The following DCDC2 variants were observed in gnomAD, a reference collection of about 807,000 sequenced individuals.
DCDC2 encodes doublecortin domain containing 2.
In DCDC2, 40 loss-of-function variants were observed where a neutral mutation model predicts 50.2. The observed-to-expected ratio is 0.80, with a 90% CI of 0.62 to 1.04. The LOEUF is 1.04. Ranked by LOEUF, DCDC2 falls within the 50% of genes least tolerant of loss-of-function variation. The pLI, the probability that DCDC2 is intolerant of heterozygous loss-of-function variation, is 0.00. For synonymous variants in DCDC2, 234 were observed against 210.6 expected (o/e 1.11, Z -0.96); for missense variants, 570 against 581.9 (o/e 0.98, Z 0.21).
In DCDC2 at chr6:24,357,835, G is replaced by T. The variant is rs201990155; in HGVS notation, c.-85C>A. ...CCAGCGGCCTCACCGCACCCAGGGC[G>T]CGGGATCGCCTCCTGAAACGAACGA... is the stretch of plus-strand genomic sequence containing the variant. On this transcript the variant is annotated 5_prime_UTR_variant, in exon 1 of 10. Coordinates refer to ENST00000378454, the MANE Select transcript of DCDC2 (RefSeq NM_016356.5). 6.2e-7 allele frequency: 1 copy of T among 1,600,182 alleles called. No homozygotes were observed. Among genetic ancestry groups the T allele is most frequent in the South Asian group, 1.1e-5 (1 of 89,508 alleles).
At chr6:24,320,562 C>T (rs1278567500) in intron 2 of DCDC2, among the ~76,000 whole-genome samples, 1 of 152,136 alleles carries the variant, frequency 6.6e-6, no homozygotes, top group Non-Finnish European at 1.5e-5. Context: ...AAAATCCTGA[C>T]TTCAAGTGAT....
intron 7 of DCDC2, among the ~76,000 whole-genome samples, chr6:24,235,149 A>G (rs560917716): frequency 1.3e-5 from 2 of 152,336 alleles, no homozygotes; most frequent in Admixed American, 1.3e-4. Context: ...TTTTACTCAT[A>G]AGAATGTGTA....
chr6:24,304,174 G>A (rs970380568), intron 2 of DCDC2, among the ~76,000 whole-genome samples: 19 of 152,280 alleles, frequency 1.2e-4, no homozygotes, highest in African/African-American at 4.6e-4. Context: ...ATTAAGTGAC[G>A]CTGACTTTTT....
chr6:24,253,537 G>A (rs1762834174), intron 7 of DCDC2, among the ~76,000 whole-genome samples: 1 of 152,172 alleles, frequency 6.6e-6, no homozygotes, highest in Admixed American at 6.5e-5. Context: ...CACAAACTTA[G>A]AAGGAATAGC....
intron 6 of DCDC2, among the ~76,000 whole-genome samples, chr6:24,283,744 A>C (rs1267116832): frequency 1.3e-5 from 2 of 152,178 alleles, no homozygotes; most frequent in African/African-American, 2.4e-5. Context: ...GGAGTAAATT[A>C]ATCCTGTTAA....
intron 2 of DCDC2, among the ~76,000 whole-genome samples, chr6:24,343,382 G>A (rs796142678): frequency 2.6e-5 from 4 of 152,258 alleles, no homozygotes; most frequent in African/African-American, 9.6e-5. Context: ...AATCATGCAT[G>A]AGCAGCATTC....
At chr6:24,260,046 T>G (rs1291506492) in intron 7 of DCDC2, among the ~76,000 whole-genome samples, 1 of 152,224 alleles carries the variant, frequency 6.6e-6, no homozygotes, top group Non-Finnish European at 1.5e-5. Flanking sequence ...TTTTAAATTT[T>G]TATTAGAATA....
At chr6:24,299,392 T>C (rs2113836321) in intron 4 of DCDC2, among the ~76,000 whole-genome samples, 1 of 152,350 alleles carries the variant, frequency 6.6e-6, no homozygotes, top group East Asian at 1.9e-4. Context: ...GCTCACTTCC[T>C]GGGTGACAAC....
chr6:24,202,230 T>C (rs1761604780), intron 8 of DCDC2, among the ~76,000 whole-genome samples: 1 of 152,162 alleles, frequency 6.6e-6, no homozygotes, highest in South Asian at 2.1e-4. Context: ...ACCAAAATCC[T>C]CAATAAAATA....
chr6:24,320,744 T>C (rs1676969550), intron 2 of DCDC2, among the ~76,000 whole-genome samples: 1 of 152,148 alleles, frequency 6.6e-6, no homozygotes, highest in Non-Finnish European at 1.5e-5. Context: ...GTACATTTAT[T>C]TTCTAGTTCT....
intron 7 of DCDC2, among the ~76,000 whole-genome samples, chr6:24,214,200 C>T (rs1214036895): frequency 6.6e-6 from 1 of 152,146 alleles, no homozygotes; most frequent in Non-Finnish European, 1.5e-5. Flanking sequence ...TATTAAATCT[C>T]ATCTGTTATG....
chr6:24,268,760 C>A (rs1763179082), intron 7 of DCDC2, among the ~76,000 whole-genome samples: 1 of 152,082 alleles, frequency 6.6e-6, no homozygotes, highest in South Asian at 2.1e-4. Context: ...TTAGTAGAGA[C>A]AGGGTTTCAC....
At chr6:24,215,063 T>C (rs1214483343) in intron 7 of DCDC2, among the ~76,000 whole-genome samples, 2 of 151,954 alleles carry the variant, frequency 1.3e-5, no homozygotes, top group Admixed American at 6.6e-5. Context: ...AGAATACGCA[T>C]AGCATGCAAG....
In DCDC2 at chr6:24,285,302, G is replaced by T. The variant is rs187606546; in HGVS notation, c.759+3550C>A. Among the ~76,000 whole-genome samples the T allele has an allele frequency of 6.6e-5, 10 of 152,266 alleles. No homozygotes were observed. In the East Asian group the frequency reaches 1.9e-3, roughly 29 times the overall value. ...CGTTTGACAACTTTGCTTTCTATGG[G>T]ATGCAAATATACCTTATAACTGAGT... On this transcript the variant is annotated intron_variant, in intron 6 of 9. Coordinates refer to ENST00000378454, the MANE Select transcript of DCDC2 (RefSeq NM_016356.5).
intron 2 of DCDC2, among the ~76,000 whole-genome samples, chr6:24,328,397 T>C (rs1759910946): frequency 6.6e-6 from 1 of 152,236 alleles, no homozygotes; most frequent in South Asian, 2.1e-4. Flanking sequence ...GGCTTATAAG[T>C]TCAACTAATT....
intron 7 of DCDC2, among the ~76,000 whole-genome samples, chr6:24,235,631 G>A (rs1286499604): frequency 6.6e-6 from 1 of 151,984 alleles, no homozygotes; most frequent in Non-Finnish European, 1.5e-5. Flanking sequence ...AAAAAACTAG[G>A]CATCAAAGAA....
chr6:24,365,385 G>C, the DCDC2 span, among the ~76,000 whole-genome samples: 2 of 152,288 alleles, frequency 1.3e-5, no homozygotes, highest in South Asian at 2.1e-4. Flanking sequence ...TCTGCCTCTC[G>C]GGTTCAAGCA....
rs1378857324 is a variant in DCDC2, at chr6:24,302,054, C to G, written c.349-10G>C. 6.3e-7 allele frequency: 1 copy of G among 1,593,138 alleles called. No homozygotes were observed. The highest frequency in any genetic ancestry group is 1.4e-5 in the African/African-American group (1 of 73,138). On this transcript the variant is annotated splice_polypyrimidine_tract_variant and intron_variant, in intron 2 of 9. Transcript: ENST00000378454. The stretch of plus-strand genomic sequence containing the variant: ...GGATTACTGGTTTTACCTTTAAAAG[C>G]AAAGGAAAAAAAATATAAACCACTA...
chr6:24,183,234 T>C (rs1368310477), intron 8 of DCDC2, among the ~76,000 whole-genome samples: 1 of 152,182 alleles, frequency 6.6e-6, no homozygotes, highest in Non-Finnish European at 1.5e-5. Context: ...TTACACAACA[T>C]TATGAATGTG....
Sources: gnomAD v4.1 joint callset for allele counts (sites outside exome capture counted in the v4.1 genomes callset) on GRCh38, gnomAD v4.1.1 for gene constraint, MANE v1.5 for transcripts, NCBI Gene and HGNC (gene_info 2026-07-23, HGNC 2026-07-21) for gene names.